Variants in HYCC1 observed in about 807,000 individuals in gnomAD.
HYCC1 encodes hyccin PI4KA lipid kinase complex subunit 1.
At chr7:22,961,804 A>G in the HYCC1 span, among the ~76,000 whole-genome samples, 2 of 152,134 alleles carry the variant, frequency 1.3e-5, no homozygotes, top group Non-Finnish European at 2.9e-5. Flanking sequence ...TGTTGCAAAT[A>G]GCAGAGCAAC....
chr7:22,924,831 G>C, the HYCC1 span, among the ~76,000 whole-genome samples: 4 of 152,234 alleles, frequency 2.6e-5, no homozygotes, highest in African/African-American at 7.2e-5. Context: ...TTTGAAGAGA[G>C]TAGTGGTTCT....
the HYCC1 span, chr7:22,960,313 T>C: frequency 1.7e-5 from 28 of 1,613,830 alleles, no homozygotes; most frequent in South Asian, 2.2e-5. Flanking sequence ...TTTCTTGATA[T>C]TCGAGAGGAA....
At chr7:22,924,379 C>T in the HYCC1 span, among the ~76,000 whole-genome samples, 30 of 152,150 alleles carry the variant, frequency 2.0e-4, no homozygotes, top group East Asian at 9.7e-4. Flanking sequence ...CGAAGCAGGG[C>T]GAGGCATTGC....
the HYCC1 span, among the ~76,000 whole-genome samples, chr7:22,930,400 A>G: frequency 2.7e-5 from 4 of 150,904 alleles, no homozygotes; most frequent in African/African-American, 7.3e-5. Context: ...AAAGAAAAAA[A>G]AAAAAGAAAA....
the HYCC1 span, among the ~76,000 whole-genome samples, chr7:22,965,594 TA>T: frequency 5.4e-3 from 615 of 114,664 alleles, 1 homozygote; most frequent in African/African-American, 7.8e-3. Flanking sequence ...ACATGGAAAC[TA>T]AAAAAAAAAA....
chr7:22,990,647 C>A, the HYCC1 span, among the ~76,000 whole-genome samples: 1 of 152,210 alleles, frequency 6.6e-6, no homozygotes, highest in African/African-American at 2.4e-5. Context: ...GGTTAGCCAA[C>A]TAGAGAAAGA....
At chr7:22,959,047 C>A in the HYCC1 span, among the ~76,000 whole-genome samples, 2 of 152,100 alleles carry the variant, frequency 1.3e-5, no homozygotes, top group African/African-American at 2.4e-5. Flanking sequence ...TGTAATCTAG[C>A]CCCATTCAGT....
chr7:23,003,923 C>T, the HYCC1 span, among the ~76,000 whole-genome samples: 6 of 152,250 alleles, frequency 3.9e-5, no homozygotes, highest in Admixed American at 2.0e-4. Context: ...ATTTGATTCT[C>T]CCCAATCAGA....
chr7:22,960,229 T>C, the HYCC1 span: 2 of 1,605,994 alleles, frequency 1.2e-6, no homozygotes, highest in Non-Finnish European at 1.7e-6. Context: ...AACAATGGTT[T>C]GACTTGAAGA....
chr7:22,938,836 TCA>T, the HYCC1 span: 59,128 of 151,760 alleles, frequency 0.39, 11,455 homozygotes, highest in East Asian at 0.5. Context: ...CATGCTTCAC[TCA>T]CAGTGATTCT....
the HYCC1 span, among the ~76,000 whole-genome samples, chr7:22,988,791 T>C: frequency 4.2e-4 from 64 of 152,320 alleles, no homozygotes; most frequent in Non-Finnish European, 5.3e-4. Flanking sequence ...TATTTACTTA[T>C]TTCTTCAATC....
At chr7:23,013,740 G>GCCGCCTCGCA in the HYCC1 span, among the ~76,000 whole-genome samples, 2 of 151,626 alleles carry the variant, frequency 1.3e-5, no homozygotes, top group African/African-American at 4.8e-5. Context: ...AGCGCCCCGC[G>GCCGCCTCGCA]CCGCCTCGCA....
chr7:22,978,543 T>A, the HYCC1 span: 6 of 1,043,766 alleles, frequency 5.7e-6, no homozygotes, highest in Admixed American at 1.2e-4. Flanking sequence ...TTGGTAAAAA[T>A]CATATCTTTT....
chr7:22,929,425 T>C, the HYCC1 span, among the ~76,000 whole-genome samples: 1 of 152,122 alleles, frequency 6.6e-6, no homozygotes, highest in African/African-American at 2.4e-5. Context: ...TGGGAGAACA[T>C]TTTTGCAACC....
the HYCC1 span, among the ~76,000 whole-genome samples, chr7:22,897,947 T>A: frequency 6.6e-6 from 1 of 152,140 alleles, no homozygotes; most frequent in Non-Finnish European, 1.5e-5. Context: ...GCATTCTTAT[T>A]GCTATCATCA....
the HYCC1 span, among the ~76,000 whole-genome samples, chr7:23,005,093 C>T: frequency 0.012 from 1,770 of 152,276 alleles, 33 homozygotes; most frequent in African/African-American, 0.039. Context: ...GTGAAAGCCA[C>T]GGCGCCCGGC....
At chr7:22,899,726 A>T in the HYCC1 span, among the ~76,000 whole-genome samples, 3 of 152,234 alleles carry the variant, frequency 2.0e-5, no homozygotes, top group African/African-American at 7.2e-5. Flanking sequence ...TAAGTCAAAG[A>T]TACTTAAAAT....
chr7:22,955,464 A>C, the HYCC1 span, among the ~76,000 whole-genome samples: 3 of 151,682 alleles, frequency 2.0e-5, no homozygotes, highest in African/African-American at 4.8e-5. Flanking sequence ...TCGAGATTCC[A>C]CTGGATAAGC....
the HYCC1 span, chr7:22,960,146 T>G: frequency 8.3e-7 from 1 of 1,203,354 alleles, no homozygotes. Flanking sequence ...TCCACAGCTC[T>G]TTCTTCCAGA....
Sources: allele counts gnomAD v4.1 joint callset (sites outside exome capture counted in the v4.1 genomes callset), GRCh38; gene constraint gnomAD v4.1.1; transcripts MANE v1.5; gene names NCBI Gene and HGNC (gene_info 2026-07-23, HGNC 2026-07-21).